The following PKHD1 variants were observed in gnomAD, a reference collection of about 807,000 sequenced individuals.
The protein encoded by PKHD1 is fibrocystin.
PKHD1 carries 291 observed loss-of-function variants against 412.0 expected under a neutral mutation model. That is an observed-to-expected ratio of 0.71 (90% CI 0.64 to 0.78). The LOEUF is 0.78. PKHD1 is among the 30% of genes least tolerant of loss of function. PKHD1 has a pLI of 0.00. For missense variants in PKHD1, 4,825 were observed against 4,950.7 expected (o/e 0.97, Z 0.76); for synonymous variants, 1,777 against 1,821.5 (o/e 0.98, Z 0.62).
chr6:51,988,190 C>T lies in PKHD1; in HGVS notation c.5751+22119G>A, dbSNP rs756133257. Among the ~76,000 whole-genome samples, 50 of 152,228 alleles carry T rather than the reference C, an allele frequency of 3.3e-4. 1 individual carries two copies. The highest frequency in any genetic ancestry group is 8.9e-4 in the African/African-American group (37 of 41,546). On this transcript the variant is annotated intron_variant, in intron 35 of 66. Transcript: ENST00000371117. The stretch of plus-strand genomic sequence containing the variant: ...AATCAACTTTCCTTGGTGATGAAAA[C>T]GCCCTATGTCTTCAATTTGATTCTG...
chr6:51,706,557 G>A (rs1780044938), intron 60 of PKHD1, among the ~76,000 whole-genome samples: 1 of 151,606 alleles, frequency 6.6e-6, no homozygotes, highest in African/African-American at 2.4e-5. Context: ...AGAAGGAGGA[G>A]GAACAAGTGG....
rs754425809 is a variant in PKHD1, at chr6:52,042,872, T to C, written c.3084A>G (p.Arg1028=). The stretch of plus-strand genomic sequence containing the variant: ...TCCCCAGATTACCAATATCCGCAGC[T>C]CTGGAAGGCTCCACCATATCCAGTC... The part of the protein sequence containing the change: ...KPRLDMVEPS[R]AADIGGLWAT... The change falls in exon 27 of 67, where the codon AGA becomes AGG. Residue 1028 remains arginine, a synonymous_variant. Coordinates refer to ENST00000371117, the MANE Select transcript of PKHD1 (RefSeq NM_138694.4). The C allele has an allele frequency of 3.1e-6, 5 of 1,613,790 alleles. No homozygotes were observed. The highest frequency in any genetic ancestry group is 3.4e-6 in the Non-Finnish European group (4 of 1,179,802).
intron 60 of PKHD1, among the ~76,000 whole-genome samples, chr6:51,689,392 T>C (rs1214416077): frequency 6.6e-6 from 1 of 152,228 alleles, no homozygotes; most frequent in East Asian, 1.9e-4. Context: ...AACATCATAC[T>C]GAATGAGCAA....
chr6:51,994,280 G>T (rs899206595), intron 35 of PKHD1, among the ~76,000 whole-genome samples: 2 of 151,896 alleles, frequency 1.3e-5, no homozygotes, highest in Non-Finnish European at 2.9e-5. Flanking sequence ...GACTACAGGC[G>T]CCTGCCACCG....
chr6:51,799,196 CAT>C (rs1366308143), intron 52 of PKHD1, among the ~76,000 whole-genome samples: 1 of 152,118 alleles, frequency 6.6e-6, no homozygotes, highest in Non-Finnish European at 1.5e-5. Context: ...TGTACACACA[CAT>C]AAATTCCAAT....
chr6:51,950,220 A>AAAATATATATATATATATAT lies in PKHD1; in HGVS notation c.5908+9649_5908+9650insATATATATATATATATATTT. ...AATGGGCAATATAGAGAAAAAAAAA[A>AAAATATATATATATATATAT]ATATATATATATATATATATGAAAT... On this transcript the variant is annotated intron_variant, in intron 36 of 66. Transcript: ENST00000371117. Among the ~76,000 whole-genome samples the AAAATATATATATATATATAT allele has an allele frequency of 3.3e-3, 323 of 98,228 alleles. 1 individual carries two copies. The highest frequency in any genetic ancestry group is 6.2e-3 in the South Asian group (15 of 2,410). The allele number at this position is 98,228 out of a possible 152,430, so 64.4% of individuals were successfully genotyped here.
chr6:51,811,235 C>T (rs182628121), intron 52 of PKHD1, among the ~76,000 whole-genome samples: 3 of 152,196 alleles, frequency 2.0e-5, no homozygotes, highest in Admixed American at 1.3e-4. Context: ...TATAGGTAGG[C>T]TATGAATTCA....
rs913995010 is a variant in PKHD1 at position 51,616,705 on chromosome 6, T to C, written c.*2376A>G. On this transcript the variant is annotated 3_prime_UTR_variant, in exon 67 of 67. Coordinates refer to ENST00000371117, the MANE Select transcript of PKHD1 (RefSeq NM_138694.4). ...TCAGGGATCACAGGCTTTTCTGGGA[T>C]GGAATTAGTAAGATAATTATGGTTA... The C allele has an allele frequency of 2.5e-6, 1 of 398,328 alleles. No individual in the cohort carries two copies. Among genetic ancestry groups the C allele is most frequent in the Non-Finnish European group, 4.4e-6 (1 of 225,972 alleles). The allele number at this position is 398,328 out of a possible 1,614,324, so 24.7% of individuals were successfully genotyped here. A position where few individuals can be genotyped will look rare whatever the true frequency, so the allele number is the denominator to read the frequency against.
At chr6:51,885,787 T>A in intron 45 of PKHD1, 80 bp downstream of exon 45, 1 of 900,754 alleles carries the variant, frequency 1.1e-6, no homozygotes, top group Non-Finnish European at 1.8e-6. Context: ...TAGATATGCA[T>A]AATGAATTGC....
At chr6:52,063,763 C>T (rs1163708489) in intron 13 of PKHD1, among the ~76,000 whole-genome samples, 2 of 152,226 alleles carry the variant, frequency 1.3e-5, no homozygotes, top group Admixed American at 6.5e-5. Context: ...CTACACATTG[C>T]TACGTGTCCC....
chr6:51,962,988 T>C (rs1385761983), intron 35 of PKHD1, among the ~76,000 whole-genome samples: 1 of 152,112 alleles, frequency 6.6e-6, no homozygotes, highest in African/African-American at 2.4e-5. Flanking sequence ...TAGTAGTTGC[T>C]CAATAAATGT....
At chr6:51,802,572 G>A (rs998956974) in intron 52 of PKHD1, among the ~76,000 whole-genome samples, 3 of 151,252 alleles carry the variant, frequency 2.0e-5, no homozygotes, top group Non-Finnish European at 4.4e-5. Context: ...TTCCTATGTG[G>A]GTTTTTGTTT....
chr6:51,657,408 G>T (rs1164281688), intron 61 of PKHD1, among the ~76,000 whole-genome samples: 1 of 152,056 alleles, frequency 6.6e-6, no homozygotes, highest in Non-Finnish European at 1.5e-5. Flanking sequence ...GGAGAAATTT[G>T]TTCAGACATA....
At chr6:52,022,972 A>G (rs745374520) in intron 32 of PKHD1, 28 bp from the exon 33 acceptor site, 3 of 1,613,700 alleles carry the variant, frequency 1.9e-6, no homozygotes, top group Non-Finnish European at 1.7e-6. Context: ...CAAGTTCTTG[A>G]TCATACAGGC....
intron 49 of PKHD1, among the ~76,000 whole-genome samples, chr6:51,851,900 C>G (rs1772329846): frequency 1.3e-5 from 2 of 151,610 alleles, no homozygotes; most frequent in African/African-American, 4.8e-5. Context: ...GTGTCTATAA[C>G]TCCTTCAATT....
chr6:51,950,204 T>C (rs1271315169), intron 36 of PKHD1, among the ~76,000 whole-genome samples: 2 of 47,550 alleles, frequency 4.2e-5, no homozygotes, highest in African/African-American at 1.6e-4. Context: ...AAATGGGCAA[T>C]ATAGAGAAAA....
chr6:52,054,650 T>A (rs115206440), intron 19 of PKHD1, among the ~76,000 whole-genome samples: 1,638 of 152,278 alleles, frequency 0.011, 33 homozygotes, highest in African/African-American at 0.037. Flanking sequence ...CTCGGCACTA[T>A]CAATATTCTA....
At chr6:51,629,019 G>A (rs1271587442) in intron 65 of PKHD1, among the ~76,000 whole-genome samples, 1 of 152,044 alleles carries the variant, frequency 6.6e-6, no homozygotes, top group Non-Finnish European at 1.5e-5. Context: ...ATATGTAGAA[G>A]AATGAAACTT....
intron 14 of PKHD1, 124 bp from the exon 15 acceptor site, chr6:52,060,166 C>A: frequency 1.4e-6 from 1 of 691,632 alleles, no homozygotes; most frequent in Non-Finnish European, 2.7e-6. Flanking sequence ...GATTCTTATG[C>A]CACACAATTG....
Sources: allele counts gnomAD v4.1 joint callset (sites outside exome capture counted in the v4.1 genomes callset), GRCh38; gene constraint gnomAD v4.1.1; transcripts MANE v1.5; gene names NCBI Gene and HGNC (gene_info 2026-07-23, HGNC 2026-07-21).